SLF2: variants seen among roughly 807,000 people sequenced by gnomAD.
SLF2 encodes SMC5-SMC6 complex localization factor protein 2.
A neutral mutation model predicts 124.3 loss-of-function variants in SLF2; 68 were observed. The observed-to-expected ratio is 0.55, with a 90% CI of 0.45 to 0.67. The LOEUF (loss-of-function observed/expected upper bound fraction) is 0.67. Ranked by LOEUF, SLF2 falls within the 30% of genes least tolerant of loss-of-function variation. SLF2 has a pLI of 0.00. For synonymous variants in SLF2, 480 were observed against 478.8 expected (o/e 1.00, Z -0.03); for missense variants, 1,246 against 1,373.7 (o/e 0.91, Z 1.47).
chr10:100,918,380 A>T lies in SLF2; in HGVS notation c.916-4A>T, dbSNP rs771447812. ...TAATTAATTTTATCTCATTGTGCTC[A>T]TAGGAAAATGGACATCTCTCAAGAA... On this transcript the variant is annotated splice_polypyrimidine_tract_variant and splice_region_variant and intron_variant, in intron 3 of 19. Transcript: ENST00000238961. 2 of 1,584,894 alleles carry T rather than the reference A, an allele frequency of 1.3e-6. No homozygotes were observed. Among genetic ancestry groups the T allele is most frequent in the South Asian group, 2.3e-5 (2 of 87,266 alleles).
At chr10:100,935,098 G>A (rs1363748973) in intron 9 of SLF2, among the ~76,000 whole-genome samples, 1 of 151,816 alleles carries the variant, frequency 6.6e-6, no homozygotes, top group Non-Finnish European at 1.5e-5. Context: ...AAATTGTCTT[G>A]TAAAAAGTTA....
At chr10:100,957,047 A>G (rs1850344059) in intron 18 of SLF2, among the ~76,000 whole-genome samples, 1 of 152,192 alleles carries the variant, frequency 6.6e-6, no homozygotes, top group South Asian at 2.1e-4. Context: ...CAAAGCAAAT[A>G]CACTTTTCAC....
chr10:100,937,648 G>A (rs185754396), intron 10 of SLF2, among the ~76,000 whole-genome samples, 171 bp downstream of exon 10: 11 of 150,996 alleles, frequency 7.3e-5, no homozygotes, highest in Admixed American at 2.0e-4. Flanking sequence ...TCTTGCTGTC[G>A]CCCGGGCTGA....
intron 9 of SLF2, among the ~76,000 whole-genome samples, chr10:100,932,981 C>T (rs755913657): frequency 2.6e-4 from 39 of 152,192 alleles, no homozygotes; most frequent in African/African-American, 6.7e-4. Context: ...GTCTGTCTTA[C>T]CAGCAGTTTT....
intron 17 of SLF2, among the ~76,000 whole-genome samples, chr10:100,951,136 G>A (rs1369295548): frequency 6.6e-6 from 1 of 152,142 alleles, no homozygotes; most frequent in African/African-American, 2.4e-5. Context: ...CCAGCTGTTC[G>A]GGAGGCTGAG....
At position 100,963,620 on chromosome 10, in the gene SLF2, T is replaced by C. The variant is rs534569182; in HGVS notation, c.*1708T>C. Reference sequence around the variant, plus strand: ...TGTAATTTAATCCTTTGTAGATACATTATTTGTGTGTAATTTTATACGTGT... The same window carrying C: ...TGTAATTTAATCCTTTGTAGATACACTATTTGTGTGTAATTTTATACGTGT... On this transcript the variant is annotated 3_prime_UTR_variant, in exon 20 of 20. Coordinates refer to ENST00000238961, the MANE Select transcript of SLF2 (RefSeq NM_018121.4). The C allele has an allele frequency of 6.5e-6, 1 of 152,782 alleles. No individual in the cohort carries two copies. The highest frequency in any genetic ancestry group is 1.9e-4 in the East Asian group (1 of 5,186). The allele number at this position is 152,782 out of a possible 1,614,324, so 9.5% of individuals were successfully genotyped here.
rs749750808 is a variant in SLF2 at position 100,933,586 on chromosome 10, CT to C, written c.2436+2519del. Among the ~76,000 whole-genome samples, 187 of 145,044 alleles carry C rather than the reference CT, an allele frequency of 1.3e-3. 2 individuals are homozygous for C. In the East Asian group the frequency reaches 0.016, roughly 13 times the overall value. Reference sequence around the variant, plus strand: ...GTAGTAGACCAGAAAAAGGTTAGTACTTTTTTTTTTTAACAATTTTCAAAAG... The same window carrying C: ...GTAGTAGACCAGAAAAAGGTTAGTACTTTTTTTTTTAACAATTTTCAAAAG... On this transcript the variant is annotated intron_variant, in intron 9 of 19. Coordinates refer to ENST00000238961, the MANE Select transcript of SLF2 (RefSeq NM_018121.4).
At chr10:100,936,240 A>C (rs910053996) in intron 9 of SLF2, among the ~76,000 whole-genome samples, 3 of 152,006 alleles carry the variant, frequency 2.0e-5, no homozygotes, top group Non-Finnish European at 4.4e-5. Flanking sequence ...TCTTATGAAT[A>C]CTAGAAAATC....
chr10:100,952,546 C>CA (rs1189289965), intron 17 of SLF2, among the ~76,000 whole-genome samples: 250 of 81,604 alleles, frequency 3.1e-3, no homozygotes, highest in Middle Eastern at 9.3e-3. Flanking sequence ...GACTCCACCT[C>CA]AAAAAAAAAA....
chr10:100,923,864 C>T, intron 4 of SLF2, 111 bp from the exon 5 acceptor site: 1 of 833,874 alleles, frequency 1.2e-6, no homozygotes, highest in Non-Finnish European at 1.7e-6. Flanking sequence ...CTAATCTCAG[C>T]CTTAATACTT....
In SLF2 at chr10:100,932,716, TGTGTGCGCGCGC is replaced by T. The variant is rs917167226; in HGVS notation, c.2436+1640_2436+1651del. Among the ~76,000 whole-genome samples the T allele has an allele frequency of 1.9e-3, 70 of 37,238 alleles. 1 individual carries two copies. The highest frequency in any genetic ancestry group is 9.1e-3 in the South Asian group (8 of 882). The allele number at this position is 37,238 out of a possible 152,430, so 24.4% of individuals were successfully genotyped here. A position where few individuals can be genotyped will look rare whatever the true frequency, so the allele number is the denominator to read the frequency against. On this transcript the variant is annotated intron_variant, in intron 9 of 19. Coordinates refer to ENST00000238961, the MANE Select transcript of SLF2 (RefSeq NM_018121.4). ...AAGTGTGTGTGTGTGTGTGTGTGTG[TGTGTGCGCGCGC>T]GCGCGCGCGCACATTTGTAAATGTA...
chr10:100,939,841 G>A (rs1013908201), intron 11 of SLF2, among the ~76,000 whole-genome samples: 16 of 152,074 alleles, frequency 1.1e-4, no homozygotes, highest in Non-Finnish European at 2.1e-4. Flanking sequence ...AAAGTTGAAT[G>A]TTTTCACTTA....
At chr10:100,929,518 C>A in intron 7 of SLF2, 79 bp downstream of exon 7, 1 of 1,225,854 alleles carries the variant, frequency 8.2e-7, no homozygotes, top group South Asian at 1.8e-5. Flanking sequence ...AATAAATGGG[C>A]CATTGATGGC....
chr10:100,932,714 TGTGTGTGCGCGCGCGCGC>T, intron 9 of SLF2, among the ~76,000 whole-genome samples: 1 of 92,744 alleles, frequency 1.1e-5, no homozygotes, highest in Admixed American at 1.1e-4. Context: ...TGTGTGTGTG[TGTGTGTGCGCGCGCGCGC>T]GCGCGCACAT....
intron 17 of SLF2, among the ~76,000 whole-genome samples, chr10:100,955,533 G>A (rs1771536317): frequency 6.6e-6 from 1 of 152,084 alleles, no homozygotes; most frequent in Admixed American, 6.6e-5. Context: ...TCTGAAGTGG[G>A]AGGATCACTT....
chr10:100,929,353 A>G lies in SLF2; in HGVS notation c.2079A>G (p.Ile693Met). 8.1e-6 allele frequency: 13 copies of G among 1,613,188 alleles called. No individual in the cohort carries two copies. The highest frequency in any genetic ancestry group is 1.1e-5 in the Non-Finnish European group (13 of 1,179,378). ...DELQKQLQEDIRQGRGIKSPI... is the reference protein window; with the variant it reads ...DELQKQLQEDMRQGRGIKSPI... ...TGCAGAAGCAACTACAAGAAGACATAAGGCAAGGCCGAGGCATTAAATCCC... is the reference window on the plus strand; with the variant it reads ...TGCAGAAGCAACTACAAGAAGACATGAGGCAAGGCCGAGGCATTAAATCCC... Residue 693 changes from isoleucine to methionine, a missense_variant, in exon 7 of 20, where the codon ATA becomes ATG. By Grantham distance (10) the Ile-to-Met change is conservative (BLOSUM62 1). Around this residue, in one of 3 missense-constraint regions of SLF2, gnomAD observed 535 missense variants for 632.8 expected, o/e 0.85. Transcript: ENST00000238961.
rs1276162025 is a variant in SLF2, at chr10:100,918,378, T to G, written c.916-6T>G. 1.3e-6 allele frequency: 2 copies of G among 1,581,476 alleles called. No individual in the cohort carries two copies. The highest frequency in any genetic ancestry group is 1.8e-5 in the Admixed American group (1 of 56,588). ...CTTAATTAATTTTATCTCATTGTGC[T>G]CATAGGAAAATGGACATCTCTCAAG... is the stretch of plus-strand genomic sequence containing the variant. On this transcript the variant is annotated splice_polypyrimidine_tract_variant and splice_region_variant and intron_variant, in intron 3 of 19. Coordinates refer to ENST00000238961, the MANE Select transcript of SLF2 (RefSeq NM_018121.4).
At chr10:100,914,122 A>G (rs1192501710) in intron 1 of SLF2, among the ~76,000 whole-genome samples, 6 of 152,182 alleles carry the variant, frequency 3.9e-5, no homozygotes, top group African/African-American at 1.4e-4. Flanking sequence ...GTGAATATTC[A>G]TGTTTTGCTG....
In SLF2 at chr10:100,963,689, C is replaced by G. The variant is rs1176519581; in HGVS notation, c.*1777C>G. 1.3e-5 allele frequency: 2 copies of G among 152,410 alleles called. No individual in the cohort carries two copies. The highest frequency in any genetic ancestry group is 2.9e-5 in the Non-Finnish European group (2 of 68,026). The allele number at this position is 152,410 out of a possible 1,614,324, so 9.4% of individuals were successfully genotyped here. A position where few individuals can be genotyped will look rare whatever the true frequency, so the allele number is the denominator to read the frequency against. ...GCATTGTGTAAAGTGTACAAAATCT[C>G]AAAGTATAAAATACTGCTTATATTG... On this transcript the variant is annotated 3_prime_UTR_variant, in exon 20 of 20. Transcript: ENST00000238961.
Sources: gnomAD v4.1 joint callset for allele counts (sites outside exome capture counted in the v4.1 genomes callset) on GRCh38, gnomAD v4.1.1 for gene constraint, gnomAD v4.1.1 regional missense constraint, MANE v1.5 for transcripts, NCBI Gene and HGNC (gene_info 2026-07-23, HGNC 2026-07-21) for gene names.